The following MYO5C variants were observed in gnomAD, a reference collection of about 807,000 sequenced individuals.
MYO5C encodes the protein unconventional myosin-Vc.
A neutral mutation model predicts 235.7 loss-of-function variants in MYO5C; 194 were observed. The observed-to-expected ratio is 0.82, with a 90% CI of 0.73 to 0.93. The LOEUF (loss-of-function observed/expected upper bound fraction) is 0.93, where lower values mean the gene tolerates loss of function less well. MYO5C is among the 40% of genes least tolerant of loss of function. The probability of loss-of-function intolerance (pLI) is 0.00; values close to 1 mark genes in which losing one functional copy is unlikely to be tolerated. For synonymous variants in MYO5C, 707 were observed against 754.8 expected, an observed-to-expected ratio of 0.94 and a Z score of 1.04; for missense variants, 2,038 against 2,127.2, an observed-to-expected ratio of 0.96 and a Z score of 0.82.
chr15:52,275,481 G>A (rs2037023304), intron 5 of MYO5C, 81 bp downstream of exon 5: 2 of 1,551,464 alleles, frequency 1.3e-6, no homozygotes, highest in Admixed American at 1.7e-5. Context: ...GTGGGAACTT[G>A]AATTAGCCAG....
At chr15:52,257,527 G>A (rs560107534) in intron 10 of MYO5C, among the ~76,000 whole-genome samples, 5 of 152,336 alleles carry the variant, frequency 3.3e-5, no homozygotes, top group South Asian at 2.1e-4. Context: ...TCTGCAAAAC[G>A]TGGGCCGAAC....
Position 52,291,731 on chromosome 15 carries a change from G to GTTT in MYO5C, c.27+3876_27+3878dup, listed in dbSNP as rs1196328559. Among the ~76,000 whole-genome samples the GTTT allele has an allele frequency of 1.4e-3, 72 of 52,540 alleles. 15 individuals are homozygous for GTTT. The highest frequency in any genetic ancestry group is 4.7e-3 in the African/African-American group (57 of 12,038). The allele number at this position is 52,540 out of a possible 152,430, so 34.5% of individuals were successfully genotyped here. A position where few individuals can be genotyped will look rare whatever the true frequency, so the allele number is the denominator to read the frequency against. On this transcript the variant is annotated intron_variant, in intron 1 of 40. Coordinates refer to ENST00000261839, the MANE Select transcript of MYO5C (RefSeq NM_018728.4). Reference sequence around the variant, plus strand: ...TTTTTTCTTTGTTTGCATATTTTATGTTTTTTTTTTTTTTTTTTTTTTTTT... The same window carrying GTTT: ...TTTTTTCTTTGTTTGCATATTTTATGTTTTTTTTTTTTTTTTTTTTTTTTTTTT...
intron 1 of MYO5C, among the ~76,000 whole-genome samples, chr15:52,291,049 T>C (rs893051965): frequency 6.6e-6 from 1 of 152,200 alleles, no homozygotes; most frequent in Admixed American, 6.5e-5. Flanking sequence ...ACTTGCCTGG[T>C]GTCACCCAGT....
intron 24 of MYO5C, among the ~76,000 whole-genome samples, chr15:52,231,489 C>T (rs1032924551): frequency 6.6e-6 from 1 of 152,192 alleles, no homozygotes; most frequent in Non-Finnish European, 1.5e-5. Context: ...CTCTTCTCCT[C>T]ACATTAAAAA....
intron 38 of MYO5C, 58 bp from the exon 39 acceptor site, chr15:52,196,541 G>C: frequency 6.5e-7 from 1 of 1,536,972 alleles, no homozygotes. Flanking sequence ...AGATACTCCT[G>C]TGTGTCCCGA....
chr15:52,264,076 G>A, intron 9 of MYO5C, 114 bp downstream of exon 9: 6 of 726,532 alleles, frequency 8.3e-6, no homozygotes, highest in Middle Eastern at 5.0e-4. Context: ...TGTTAAACCA[G>A]TCTACCCAGG....
intron 2 of MYO5C, 107 bp downstream of exon 2, chr15:52,282,662 GTGCCCACTCGTGC>G: frequency 4.3e-6 from 3 of 692,926 alleles, no homozygotes; most frequent in Non-Finnish European, 2.6e-6. Flanking sequence ...AATGGTGCTG[GTGCCCACTCGTGC>G]GCCCTCCCCT....
At chr15:52,274,347 T>C (rs1043648069) in intron 5 of MYO5C, among the ~76,000 whole-genome samples, 25 of 152,164 alleles carry the variant, frequency 1.6e-4, no homozygotes, top group Non-Finnish European at 3.4e-4. Context: ...GGTGCAATCT[T>C]GGCTCACTGC....
chr15:52,292,494 A>G (rs2037413943), intron 1 of MYO5C, among the ~76,000 whole-genome samples: 1 of 152,238 alleles, frequency 6.6e-6, no homozygotes. Flanking sequence ...TAACACACAG[A>G]GTTGTTTATC....
intron 32 of MYO5C, among the ~76,000 whole-genome samples, chr15:52,216,956 G>A (rs758801068): frequency 1.7e-4 from 26 of 152,218 alleles, no homozygotes; most frequent in Non-Finnish European, 3.5e-4. Flanking sequence ...TAGAAGCTGG[G>A]AGAGGCAAGG....
chr15:52,291,740 T>TTTTTTTGTTTTG, intron 1 of MYO5C, among the ~76,000 whole-genome samples: 1 of 86,084 alleles, frequency 1.2e-5, no homozygotes, highest in East Asian at 2.2e-4. Flanking sequence ...TGTTTTTTTT[T>TTTTTTTGTTTTG]TTTTTTTTTT....
intron 9 of MYO5C, among the ~76,000 whole-genome samples, chr15:52,262,306 C>A (rs4776031): frequency 0.94 from 142,628 of 152,298 alleles, 67,197 homozygotes; most frequent in Non-Finnish European, 0.99. Flanking sequence ...TTCTTAGAAG[C>A]CTTTCCAAAG....
chr15:52,272,646 T>C lies in MYO5C; in HGVS notation c.684A>G (p.Glu228=), dbSNP rs1302195496. The C allele has an allele frequency of 6.2e-7, 1 of 1,614,192 alleles. No homozygotes were observed. The change falls in exon 6 of 41, where the codon GAA becomes GAG. Residue 228 remains glutamate (E), a synonymous_variant. Coordinates refer to ENST00000261839, the MANE Select transcript of MYO5C (RefSeq NM_018728.4). ...TGTTGGCTCCTATAATTTGATTTTG[T>C]TCATCAAAACTGATTTCTGTGTATT... is the stretch of plus-strand genomic sequence containing the variant. The part of the protein sequence containing the change: ...FGKYTEISFD[E]QNQIIGANMS...
chr15:52,282,605 G>A (rs757614941), intron 2 of MYO5C, among the ~76,000 whole-genome samples, 177 bp downstream of exon 2: 10 of 152,222 alleles, frequency 6.6e-5, no homozygotes, highest in Admixed American at 2.6e-4. Flanking sequence ...CGGGAGGGAA[G>A]GAGTACAGAC....
intron 38 of MYO5C, among the ~76,000 whole-genome samples, chr15:52,196,982 G>C (rs925415845): frequency 2.0e-5 from 3 of 152,188 alleles, no homozygotes; most frequent in Non-Finnish European, 4.4e-5. Context: ...AGCCTGGGAA[G>C]TTAATCGACC....
At chr15:52,241,452 G>A (rs1028015180) in intron 20 of MYO5C, among the ~76,000 whole-genome samples, 4 of 151,720 alleles carry the variant, frequency 2.6e-5, no homozygotes, top group Non-Finnish European at 5.9e-5. Flanking sequence ...GTAGAGACAG[G>A]GTTTCACTGT....
intron 7 of MYO5C, 55 bp from the exon 8 acceptor site, chr15:52,269,915 A>G: frequency 8.3e-7 from 1 of 1,209,674 alleles, no homozygotes; most frequent in Non-Finnish European, 1.2e-6. Flanking sequence ...TTGGACATAC[A>G]CATTTATCAG....
chr15:52,225,123 A>G lies in MYO5C; in HGVS notation c.3317T>C (p.Ile1106Thr), dbSNP rs1361687183. The change falls in exon 27 of 41, where the codon ATC becomes ACC. Residue 1106 changes from isoleucine (I) to threonine (T), a missense_variant. Physicochemically the swap from Ile to Thr is moderately conservative, Grantham distance 89. Coordinates refer to ENST00000261839, the MANE Select transcript of MYO5C (RefSeq NM_018728.4). ...ATAGCTTTCGAGAAGTTGTTTGGTGATCTCTGACATCTTTTCTGAAAGGGA... is the reference window on the plus strand; with the variant it reads ...ATAGCTTTCGAGAAGTTGTTTGGTGGTCTCTGACATCTTTTCTGAAAGGGA... ...KREMREKMSEITKQLLESYDI... is the reference protein window; with the variant it reads ...KREMREKMSETTKQLLESYDI... 1.9e-6 allele frequency: 3 copies of G among 1,614,034 alleles called. No individual in the cohort carries two copies. Among genetic ancestry groups the G allele is most frequent in the South Asian group, 2.2e-5 (2 of 91,062 alleles).
At chr15:52,220,638 G>A (rs182023230) in intron 30 of MYO5C, among the ~76,000 whole-genome samples, 220 of 150,286 alleles carry the variant, frequency 1.5e-3, no homozygotes, top group African/African-American at 5.3e-3. Context: ...GGCCAACATG[G>A]CGAAACCCCA....
Sources: allele counts gnomAD v4.1 joint callset (sites outside exome capture counted in the v4.1 genomes callset), GRCh38; gene constraint gnomAD v4.1.1; transcripts MANE v1.5; gene names NCBI Gene and HGNC (gene_info 2026-07-23, HGNC 2026-07-21).